AGBL4: variants seen among roughly 807,000 people sequenced by gnomAD.
The protein encoded by AGBL4 is cytosolic carboxypeptidase 6.
Under a neutral mutation model 66.4 loss-of-function variants are expected in AGBL4, and 58 were observed. The observed-to-expected ratio is 0.87, with a 90% CI of 0.71 to 1.09. The LOEUF (loss-of-function observed/expected upper bound fraction) is 1.09. Ranked by LOEUF, AGBL4 falls within the 50% of genes least tolerant of loss-of-function variation. The pLI, the probability that AGBL4 is intolerant of heterozygous loss-of-function variation, is 0.00. For synonymous variants in AGBL4, 234 were observed against 222.9 expected (o/e 1.05, Z -0.44); for missense variants, 579 against 631.0 (o/e 0.92, Z 0.88).
intron 3 of AGBL4, among the ~76,000 whole-genome samples, chr1:49,684,913 C>G (rs1646759971): frequency 6.6e-6 from 1 of 152,034 alleles, no homozygotes; most frequent in South Asian, 2.1e-4. Flanking sequence ...TTCCTTTTAA[C>G]TTTTATTTTA....
chr1:49,448,392 C>A (rs560142342), intron 3 of AGBL4, among the ~76,000 whole-genome samples: 1 of 152,232 alleles, frequency 6.6e-6, no homozygotes, highest in East Asian at 1.9e-4. Context: ...AGCAGGGTTC[C>A]ATTCTATATG....
At position 48,653,480 on chromosome 1, in the gene AGBL4, A is replaced by T. The variant is rs1645967215; in HGVS notation, c.725-29T>A. On this transcript the variant is annotated intron_variant, in intron 7 of 13. Coordinates refer to ENST00000371839, the MANE Select transcript of AGBL4 (RefSeq NM_032785.4). The stretch of plus-strand genomic sequence containing the variant: ...GGGAAAGAGAAGAGCCCGGTTTAAC[A>T]ACAAAGCATTTCAAGAAGAAGGAAA... 3 of 1,451,208 alleles carry T rather than the reference A, an allele frequency of 2.1e-6. No individual in the cohort carries two copies. The East Asian group carries it at 7.3e-5, about 36-fold the overall frequency. The allele number at this position is 1,451,208 out of a possible 1,614,324, so 89.9% of individuals were successfully genotyped here. A position where few individuals can be genotyped will look rare whatever the true frequency, so the allele number is the denominator to read the frequency against.
chr1:48,770,017 TGACCTGCTTGCCACC>T (rs1185895701), intron 6 of AGBL4, among the ~76,000 whole-genome samples: 6 of 152,300 alleles, frequency 3.9e-5, no homozygotes, highest in African/African-American at 1.4e-4. Flanking sequence ...AAAATACCCC[TGACCTGCTTGCCACC>T]TTTAGTGACA....
intron 9 of AGBL4, among the ~76,000 whole-genome samples, chr1:48,602,349 A>T (rs1417154551): frequency 6.6e-6 from 1 of 152,016 alleles, no homozygotes; most frequent in Non-Finnish European, 1.5e-5. Flanking sequence ...GGCTCTTTCC[A>T]CCATTATATC....
At chr1:49,968,644 G>A (rs1657776975) in intron 1 of AGBL4, among the ~76,000 whole-genome samples, 1 of 152,076 alleles carries the variant, frequency 6.6e-6, no homozygotes. Flanking sequence ...TTAAGTTCTA[G>A]CCCATTAATG....
chr1:49,802,959 A>G (rs1479875970), intron 2 of AGBL4, among the ~76,000 whole-genome samples: 1 of 152,186 alleles, frequency 6.6e-6, no homozygotes, highest in Non-Finnish European at 1.5e-5. Context: ...GAATAGATAC[A>G]TAGCATTTTT....
rs913913042 is a variant in AGBL4 at position 49,279,764 on chromosome 1, C to T, written c.283-33900G>A. On this transcript the variant is annotated intron_variant, in intron 3 of 13. Transcript: ENST00000371839. ...TCTGATCTAGCCAACTCCTATCTTG[C>T]CTTTAGCCTTTAAGCTGCACTTAAT... Among the ~76,000 whole-genome samples the T allele has an allele frequency of 2.6e-5, 4 of 152,092 alleles. No individual in the cohort carries two copies. The East Asian group carries it at 7.7e-4, about 29-fold the overall frequency.
chr1:48,608,633 T>A (rs1645189054), intron 9 of AGBL4, among the ~76,000 whole-genome samples: 1 of 152,110 alleles, frequency 6.6e-6, no homozygotes, highest in Non-Finnish European at 1.5e-5. Flanking sequence ...ACTGGACATA[T>A]AAGCAGTAAG....
intron 3 of AGBL4, among the ~76,000 whole-genome samples, chr1:49,326,754 A>T (rs1335911298): frequency 1.3e-5 from 2 of 152,176 alleles, no homozygotes; most frequent in Non-Finnish European, 2.9e-5. Context: ...ACATTAGGAA[A>T]AATAGAAATT....
chr1:48,599,892 T>C (rs1280824046), intron 9 of AGBL4, among the ~76,000 whole-genome samples: 1 of 152,186 alleles, frequency 6.6e-6, no homozygotes, highest in East Asian at 1.9e-4. Context: ...ATCATTATCA[T>C]TGAGGTGTGT....
chr1:49,321,325 T>C (rs570200245), intron 3 of AGBL4, among the ~76,000 whole-genome samples: 35 of 152,268 alleles, frequency 2.3e-4, no homozygotes, highest in African/African-American at 7.7e-4. Flanking sequence ...AAAATATATA[T>C]AAATCAAGAT....
At chr1:48,726,087 C>G (rs1647253180) in intron 6 of AGBL4, among the ~76,000 whole-genome samples, 1 of 152,202 alleles carries the variant, frequency 6.6e-6, no homozygotes, top group Admixed American at 6.5e-5. Flanking sequence ...AGTGGCGAAT[C>G]CAGGATTTAA....
chr1:49,896,731 TA>T (rs1649256713), intron 1 of AGBL4, among the ~76,000 whole-genome samples: 1 of 148,308 alleles, frequency 6.7e-6, no homozygotes, highest in Non-Finnish European at 1.5e-5. Context: ...CCAAACTCAA[TA>T]ACACATTAAA....
intron 6 of AGBL4, chr1:48,776,550 C>A: frequency 8.0e-7 from 1 of 1,250,348 alleles, no homozygotes; most frequent in Non-Finnish European, 1.0e-6. Context: ...CCCGGCCCCT[C>A]CCGGGGTCCC....
intron 2 of AGBL4, among the ~76,000 whole-genome samples, chr1:49,791,570 TG>T (rs999596748): frequency 7.9e-5 from 12 of 152,064 alleles, no homozygotes. Context: ...ATCTAATCCT[TG>T]TCTATCTTTA....
intron 4 of AGBL4, among the ~76,000 whole-genome samples, chr1:49,091,919 G>T (rs1645011295): frequency 6.6e-6 from 1 of 151,902 alleles, no homozygotes; most frequent in South Asian, 2.1e-4. Flanking sequence ...GAAGTATGAA[G>T]AAATAACATA....
chr1:49,805,520 A>G (rs1328374044), intron 2 of AGBL4, among the ~76,000 whole-genome samples: 2 of 152,208 alleles, frequency 1.3e-5, no homozygotes, highest in African/African-American at 4.8e-5. Context: ...TTGTATGCCA[A>G]TGGAAATAAC....
intron 1 of AGBL4, among the ~76,000 whole-genome samples, chr1:49,941,335 T>C (rs1654741449): frequency 6.6e-6 from 1 of 152,116 alleles, no homozygotes; most frequent in African/African-American, 2.4e-5. Flanking sequence ...TTTACAAACC[T>C]ATTTTCTCAA....
intron 1 of AGBL4, among the ~76,000 whole-genome samples, chr1:49,876,963 T>C (rs1239013831): frequency 6.6e-6 from 1 of 151,756 alleles, no homozygotes; most frequent in Non-Finnish European, 1.5e-5. Context: ...TCTGTTTGTC[T>C]GTTGTTGGTG....
Sources: gnomAD v4.1 joint callset for allele counts (sites outside exome capture counted in the v4.1 genomes callset) on GRCh38, gnomAD v4.1.1 for gene constraint, MANE v1.5 for transcripts, NCBI Gene and HGNC (gene_info 2026-07-23, HGNC 2026-07-21) for gene names.